The following SLC35E4 variants were observed in gnomAD, a reference collection of about 807,000 sequenced individuals.
SLC35E4 encodes solute carrier family 35, member E4.
A neutral mutation model predicts 19.3 loss-of-function variants in SLC35E4; 15 were observed. That is an observed-to-expected ratio of 0.78 (90% CI 0.52 to 1.20). The LOEUF (loss-of-function observed/expected upper bound fraction) is 1.20, where lower values mean the gene tolerates loss of function less well. Ranked by LOEUF, SLC35E4 falls within the 50% of genes most tolerant of loss-of-function variation. The pLI is 0.00. For missense variants in SLC35E4, 406 were observed against 472.3 expected, an observed-to-expected ratio of 0.86 and a Z score of 1.30; for synonymous variants, 219 against 219.9, an observed-to-expected ratio of 1.00 and a Z score of 0.04.
intron 2 of SLC35E4, chr22:30,654,270 C>G (rs1261725569): frequency 9.3e-6 from 4 of 432,316 alleles, no homozygotes; most frequent in African/African-American, 6.1e-5. Flanking sequence ...AGGCGTGAGC[C>G]ACCGCGCCCG....
At chr22:30,663,615 G>A (rs935279660), downstream of SLC35E4, 4 of 1,614,240 alleles carry the variant, frequency 2.5e-6, no homozygotes, top group Non-Finnish European at 3.4e-6. Flanking sequence ...CCACGTGTGG[G>A]CGTCCAGCAG....
intron 1 of SLC35E4, among the ~76,000 whole-genome samples, chr22:30,637,926 G>GGTCA (rs2087976395): frequency 6.6e-6 from 1 of 152,168 alleles, no homozygotes; most frequent in African/African-American, 2.4e-5. Context: ...GAAGGTCAGG[G>GGTCA]GTCAGGTCTA....
In SLC35E4 at chr22:30,647,136, G is replaced by C; in HGVS notation, c.*105G>C. ...AACAGGGCTGGGCATGGTGGCTCAC[G>C]CCTATAATCCCAGCACTTCCAGAGT... On this transcript the variant is annotated 3_prime_UTR_variant, in exon 2 of 2. Transcript: ENST00000343605. 7.4e-7 allele frequency: 1 copy of C among 1,342,868 alleles called. No homozygotes were observed. Among genetic ancestry groups the C allele is most frequent in the Non-Finnish European group, 9.9e-7 (1 of 1,010,016 alleles). The allele number at this position is 1,342,868 out of a possible 1,614,324, so 83.2% of individuals were successfully genotyped here.
At chr22:30,657,517 G>C (rs1473140723) in intron 2 of SLC35E4, among the ~76,000 whole-genome samples, 2 of 151,474 alleles carry the variant, frequency 1.3e-5, no homozygotes, top group South Asian at 2.1e-4. Context: ...CCAGCACTTT[G>C]GGAAGCAAAG....
At chr22:30,642,729 C>CAAAAAA in intron 1 of SLC35E4, among the ~76,000 whole-genome samples, 1 of 87,168 alleles carries the variant, frequency 1.1e-5, no homozygotes, top group Non-Finnish European at 2.1e-5. Flanking sequence ...GGCAACATCT[C>CAAAAAA]AAAAAAAAAA....
At chr22:30,645,134 CTCT>C (rs2145581272) in intron 1 of SLC35E4, among the ~76,000 whole-genome samples, 1 of 152,208 alleles carries the variant, frequency 6.6e-6, no homozygotes, top group South Asian at 2.1e-4. Context: ...CTTTTATAAA[CTCT>C]TCTTTTTTAA....
chr22:30,645,039 T>C (rs1311118569), intron 1 of SLC35E4, among the ~76,000 whole-genome samples: 1 of 152,230 alleles, frequency 6.6e-6, no homozygotes, highest in African/African-American at 2.4e-5. Context: ...GATCCCACAA[T>C]GACCTTTTGT....
intron 1 of SLC35E4, among the ~76,000 whole-genome samples, chr22:30,645,818 G>T (rs1057092814): frequency 6.7e-5 from 8 of 119,436 alleles, no homozygotes; most frequent in Non-Finnish European, 1.0e-4. Context: ...GTACCTGACC[G>T]ATTTTTTTTT....
intron 1 of SLC35E4, among the ~76,000 whole-genome samples, chr22:30,645,866 G>A (rs368227269): frequency 6.7e-6 from 1 of 148,234 alleles, no homozygotes; most frequent in South Asian, 2.1e-4. Context: ...TGTTGCCCAG[G>A]CTGGAGTGCA....
At chr22:30,649,354 T>C (rs1380145332), downstream of SLC35E4, 16 of 674,300 alleles carry the variant, frequency 2.4e-5, no homozygotes, top group Admixed American at 3.2e-4. Context: ...GACTAGGAGC[T>C]AGACCAGGCT....
intron 2 of SLC35E4, among the ~76,000 whole-genome samples, chr22:30,659,975 A>T (rs1411643072): frequency 6.6e-6 from 1 of 152,228 alleles, no homozygotes; most frequent in Non-Finnish European, 1.5e-5. Flanking sequence ...TTCTACAGAG[A>T]AAAGGCCAAC....
downstream of SLC35E4, chr22:30,667,896 C>G (rs917053968): frequency 2.0e-5 from 3 of 152,474 alleles, no homozygotes; most frequent in African/African-American, 7.2e-5. Flanking sequence ...GCGACACTCC[C>G]TCCCCGGCCC....
At chr22:30,665,924 T>C (rs1280943024), downstream of SLC35E4, among the ~76,000 whole-genome samples, 1 of 150,690 alleles carries the variant, frequency 6.6e-6, no homozygotes, top group African/African-American at 2.4e-5. Context: ...GTCTCCAGAA[T>C]TCCAGGGAGG....
chr22:30,665,246 T>C (rs973474061), downstream of SLC35E4: 7 of 185,258 alleles, frequency 3.8e-5, no homozygotes, highest in Non-Finnish European at 5.8e-5. Flanking sequence ...AAGTTTTGTT[T>C]CCCTGCTTAA....
At chr22:30,648,089 C>T (rs932855665), downstream of SLC35E4, among the ~76,000 whole-genome samples, 1 of 152,166 alleles carries the variant, frequency 6.6e-6, no homozygotes, top group Non-Finnish European at 1.5e-5. Flanking sequence ...TGGCCTCCCC[C>T]TTGCTCTGCC....
intron 1 of SLC35E4, among the ~76,000 whole-genome samples, chr22:30,638,890 C>T (rs1017581723): frequency 6.6e-6 from 1 of 151,830 alleles, no homozygotes; most frequent in African/African-American, 2.4e-5. Context: ...TCCTTGAACC[C>T]GGGAGAAGGA....
chr22:30,645,291 G>A (rs1316906289), intron 1 of SLC35E4, among the ~76,000 whole-genome samples: 2 of 152,116 alleles, frequency 1.3e-5, no homozygotes, highest in Admixed American at 6.5e-5. Flanking sequence ...CAGAGTCTTC[G>A]AAGCTGGGTG....
chr22:30,649,943 T>C (rs1048938334), downstream of SLC35E4, among the ~76,000 whole-genome samples: 5 of 149,236 alleles, frequency 3.4e-5, no homozygotes, highest in Non-Finnish European at 5.9e-5. Flanking sequence ...TCAGGACCAT[T>C]AGACATTGAG....
chr22:30,663,827 G>A, downstream of SLC35E4: 1 of 1,614,210 alleles, frequency 6.2e-7, no homozygotes, highest in Non-Finnish European at 8.5e-7. Context: ...CCTCATACAA[G>A]GTGTTCACTA....
Sources: allele counts gnomAD v4.1 joint callset (sites outside exome capture counted in the v4.1 genomes callset), GRCh38; gene constraint gnomAD v4.1.1; transcripts MANE v1.5; gene names NCBI Gene and HGNC (gene_info 2026-07-23, HGNC 2026-07-21).